The following ATP10B variants were observed in gnomAD, a reference collection of about 807,000 sequenced individuals.
ATP10B encodes the protein phospholipid-transporting ATPase VB.
Under a neutral mutation model 141.2 loss-of-function variants are expected in ATP10B, and 122 were observed. The ratio of observed to expected loss-of-function variants is 0.86; its 90% CI spans 0.75 to 1.00. The LOEUF is 1.00. ATP10B is among the 50% of genes least tolerant of loss of function. The pLI is 0.00. For synonymous variants in ATP10B, 685 were observed against 692.0 expected (o/e 0.99, Z 0.16); for missense variants, 1,876 against 1,825.3 (o/e 1.03, Z -0.51).
At chr5:160,673,808 A>C in intron 6 of ATP10B, among the ~76,000 whole-genome samples, 1 of 152,132 alleles carries the variant, frequency 6.6e-6, no homozygotes. Context: ...CCCTGGGAAA[A>C]CCTGTTAAAT....
the ATP10B span, among the ~76,000 whole-genome samples, chr5:160,926,881 C>G: frequency 2.6e-5 from 4 of 152,220 alleles, no homozygotes; most frequent in Admixed American, 2.0e-4. Context: ...ATCAAACACA[C>G]CTTCCTGTGT....
At chr5:160,568,629 T>C (rs1754697800) in intron 25 of ATP10B, among the ~76,000 whole-genome samples, 1 of 152,178 alleles carries the variant, frequency 6.6e-6, no homozygotes, top group African/African-American at 2.4e-5. Context: ...AACCTAGCTC[T>C]GACTATGATC....
chr5:160,801,278 C>T (rs531061136), intron 1 of ATP10B, among the ~76,000 whole-genome samples: 1 of 152,326 alleles, frequency 6.6e-6, no homozygotes, highest in South Asian at 2.1e-4. Context: ...TATTGTTCCA[C>T]TCTGTCTTAT....
chr5:160,895,103 C>T, the ATP10B span, among the ~76,000 whole-genome samples: 1 of 152,084 alleles, frequency 6.6e-6, no homozygotes, highest in Admixed American at 6.6e-5. Flanking sequence ...CAAAAATATA[C>T]CAAATTTTAA....
At chr5:160,637,081 TATCCATTCACCC>T (rs1447084529) in intron 10 of ATP10B, among the ~76,000 whole-genome samples, 1 of 41,914 alleles carries the variant, frequency 2.4e-5, no homozygotes, top group Non-Finnish European at 4.9e-5. Context: ...TCCATCTTTC[TATCCATTCACCC>T]ATCCATCCAC....
chr5:160,840,636 A>G (rs574106577), intron 1 of ATP10B, among the ~76,000 whole-genome samples: 1 of 152,248 alleles, frequency 6.6e-6, no homozygotes, highest in African/African-American at 2.4e-5. Context: ...TTCTAGGTTT[A>G]TGAAAAAGTT....
intron 7 of ATP10B, among the ~76,000 whole-genome samples, chr5:160,662,696 G>A (rs1057263636): frequency 0.014 from 2,159 of 152,284 alleles, 59 homozygotes; most frequent in African/African-American, 0.049. Context: ...AAAAACCCTA[G>A]AAGAAAACCT....
At chr5:160,602,864 A>T (rs548673786) in intron 20 of ATP10B, 162 bp from the exon 21 acceptor site, 1 of 816,224 alleles carries the variant, frequency 1.2e-6, no homozygotes, top group Non-Finnish European at 1.8e-6. Flanking sequence ...CTGACACCCC[A>T]CCCTCCCTTC....
intron 2 of ATP10B, among the ~76,000 whole-genome samples, chr5:160,759,146 C>T (rs1768848803): frequency 6.6e-6 from 1 of 152,202 alleles, no homozygotes; most frequent in Admixed American, 6.5e-5. Context: ...ATTTGTCTTT[C>T]TGGGCCCTTT....
intron 2 of ATP10B, among the ~76,000 whole-genome samples, chr5:160,767,045 A>G (rs1769498018): frequency 6.6e-6 from 1 of 152,098 alleles, no homozygotes; most frequent in Non-Finnish European, 1.5e-5. Flanking sequence ...TCGCCGGGCC[A>G]CAATGGAAAA....
chr5:160,740,212 T>C (rs1767370697), intron 2 of ATP10B, among the ~76,000 whole-genome samples: 1 of 152,190 alleles, frequency 6.6e-6, no homozygotes, highest in African/African-American at 2.4e-5. Context: ...AATAAAATCA[T>C]GTATATATTG....
chr5:160,878,610 G>A, the ATP10B span, among the ~76,000 whole-genome samples: 8 of 152,028 alleles, frequency 5.3e-5, no homozygotes, highest in East Asian at 1.2e-3. Context: ...CCTACAAAAT[G>A]GGAGAAAATT....
At chr5:160,673,472 T>C (rs897546070) in intron 6 of ATP10B, among the ~76,000 whole-genome samples, 4 of 152,222 alleles carry the variant, frequency 2.6e-5, no homozygotes, top group Non-Finnish European at 4.4e-5. Flanking sequence ...ATTGAATTAT[T>C]ATTGACTATA....
intron 3 of ATP10B, among the ~76,000 whole-genome samples, chr5:160,703,677 T>C (rs1581385066): frequency 6.6e-6 from 1 of 152,094 alleles, no homozygotes; most frequent in Non-Finnish European, 1.5e-5. Context: ...GTTGGCCAGG[T>C]TGGTCTTGAA....
At chr5:160,906,306 T>A in the ATP10B span, among the ~76,000 whole-genome samples, 1 of 152,108 alleles carries the variant, frequency 6.6e-6, no homozygotes, top group African/African-American at 2.4e-5. Context: ...AGGGATCTAT[T>A]CAGAAGCAGC....
At chr5:160,647,910 C>T (rs1482213264) in intron 8 of ATP10B, among the ~76,000 whole-genome samples, 2 of 152,162 alleles carry the variant, frequency 1.3e-5, no homozygotes, top group Non-Finnish European at 2.9e-5. Flanking sequence ...TTATATCCCT[C>T]ATGGCCTGAG....
chr5:160,724,208 C>T (rs896219170), intron 2 of ATP10B, among the ~76,000 whole-genome samples: 1 of 150,246 alleles, frequency 6.7e-6, no homozygotes, highest in Non-Finnish European at 1.5e-5. Context: ...TAATCTGTAC[C>T]ATGAACCCCC....
the ATP10B span, among the ~76,000 whole-genome samples, chr5:160,889,368 C>A: frequency 6.6e-6 from 1 of 152,186 alleles, no homozygotes; most frequent in African/African-American, 2.4e-5. Context: ...AAAGAACCAG[C>A]TGTTGTCCAT....
chr5:160,623,307 C>T lies in ATP10B; in HGVS notation c.1621-722G>A, dbSNP rs566355269. Among the ~76,000 whole-genome samples, 18 of 152,322 alleles carry T rather than the reference C, an allele frequency of 1.2e-4. 1 individual carries two copies. Among genetic ancestry groups the T allele is most frequent in the South Asian group, 8.3e-4 (4 of 4,826 alleles). The stretch of plus-strand genomic sequence containing the variant: ...CTGAACCACAATAGCAGATTCTTAA[C>T]TCAGAATGTCCACAGGAGTCAGGCA... On this transcript the variant is annotated intron_variant, in intron 13 of 25. Coordinates refer to ENST00000327245, the MANE Select transcript of ATP10B (RefSeq NM_025153.3).
Sources: gnomAD v4.1 joint callset for allele counts (sites outside exome capture counted in the v4.1 genomes callset) on GRCh38, gnomAD v4.1.1 for gene constraint, MANE v1.5 for transcripts, NCBI Gene and HGNC (gene_info 2026-07-23, HGNC 2026-07-21) for gene names.